Variants in CDC14A observed in about 807,000 individuals in gnomAD.
CDC14A encodes cell division cycle 14A.
Under a neutral mutation model 74.4 loss-of-function variants are expected in CDC14A, and 53 were observed. The ratio of observed to expected loss-of-function variants is 0.71; its 90% CI spans 0.57 to 0.89. The LOEUF (loss-of-function observed/expected upper bound fraction) is 0.89. CDC14A is among the 40% of genes least tolerant of loss of function. The pLI, the probability that CDC14A is intolerant of heterozygous loss-of-function variation, is 0.00. For missense variants in CDC14A, 646 were observed against 713.7 expected (o/e 0.91, Z 1.08); for synonymous variants, 247 against 258.4 (o/e 0.96, Z 0.43).
At chr1:100,506,089 A>G (rs1649214144) in intron 15 of CDC14A, among the ~76,000 whole-genome samples, 2 of 152,228 alleles carry the variant, frequency 1.3e-5, no homozygotes, top group South Asian at 4.1e-4. Context: ...ACCTCCCACT[A>G]GCCCCACCTC....
chr1:100,424,737 G>A (rs1272988251), intron 5 of CDC14A, among the ~76,000 whole-genome samples: 2 of 152,224 alleles, frequency 1.3e-5, no homozygotes, highest in Admixed American at 6.5e-5. Context: ...CACCTGTTTA[G>A]TGGGGACCCT....
chr1:100,465,495 T>A (rs1374122429), intron 9 of CDC14A, among the ~76,000 whole-genome samples: 1 of 152,214 alleles, frequency 6.6e-6, no homozygotes, highest in Non-Finnish European at 1.5e-5. Context: ...TATTTTGACA[T>A]CTGCCCTAAT....
intron 10 of CDC14A, among the ~76,000 whole-genome samples, chr1:100,470,741 A>C (rs1422591732): frequency 6.6e-6 from 1 of 152,216 alleles, no homozygotes; most frequent in Non-Finnish European, 1.5e-5. Context: ...AATTGAAACC[A>C]CAATGAGATA....
At chr1:100,417,164 G>A (rs1174691959) in intron 4 of CDC14A, among the ~76,000 whole-genome samples, 1 of 152,168 alleles carries the variant, frequency 6.6e-6, no homozygotes, top group African/African-American at 2.4e-5. Flanking sequence ...ATCTTATTGG[G>A]TTGCCAAAAA....
intron 4 of CDC14A, among the ~76,000 whole-genome samples, chr1:100,414,876 C>T (rs1305681651): frequency 6.6e-6 from 1 of 152,070 alleles, no homozygotes; most frequent in African/African-American, 2.4e-5. Flanking sequence ...ATTAACGTGT[C>T]CTTTTAGGTT....
chr1:100,441,104 C>A (rs984533461), intron 6 of CDC14A, among the ~76,000 whole-genome samples: 6 of 152,136 alleles, frequency 3.9e-5, no homozygotes, highest in African/African-American at 1.4e-4. Flanking sequence ...CCTTTTCTAC[C>A]ATCTGCTACA....
At chr1:100,459,118 C>CAGAGAGAGAGAGAGAGAGAG (rs1413867196) in intron 8 of CDC14A, among the ~76,000 whole-genome samples, 106 of 145,866 alleles carry the variant, frequency 7.3e-4, no homozygotes, top group Middle Eastern at 3.5e-3. Flanking sequence ...CACACACACA[C>CAGAGAGAGAGAGAGAGAGAG]ACACACACAG....
intron 7 of CDC14A, among the ~76,000 whole-genome samples, chr1:100,446,615 A>G (rs1474573231): frequency 6.6e-6 from 1 of 150,532 alleles, no homozygotes; most frequent in Non-Finnish European, 1.5e-5. Flanking sequence ...CATGTAAGCA[A>G]TACAAAAATT....
intron 10 of CDC14A, among the ~76,000 whole-genome samples, chr1:100,472,506 C>T (rs1270727374): frequency 6.6e-6 from 1 of 151,938 alleles, no homozygotes; most frequent in Non-Finnish European, 1.5e-5. Flanking sequence ...AAATGTTTTT[C>T]AAGGTTTTTT....
chr1:100,450,943 T>C (rs1666079876), intron 7 of CDC14A, among the ~76,000 whole-genome samples: 1 of 152,248 alleles, frequency 6.6e-6, no homozygotes, highest in Non-Finnish European at 1.5e-5. Flanking sequence ...ACTTGGTTTA[T>C]TCTATGGTCG....
intron 15 of CDC14A, among the ~76,000 whole-genome samples, chr1:100,500,125 G>C (rs910960928): frequency 6.6e-6 from 1 of 152,120 alleles, no homozygotes; most frequent in Non-Finnish European, 1.5e-5. Context: ...TGTGAGTTTC[G>C]ATTTGAGAGG....
intron 6 of CDC14A, among the ~76,000 whole-genome samples, chr1:100,441,626 G>A (rs1212508638): frequency 6.6e-6 from 1 of 150,820 alleles, no homozygotes; most frequent in Non-Finnish European, 1.5e-5. Context: ...TTTTTGTCTG[G>A]AAAGGTGCAT....
intron 13 of CDC14A, 149 bp downstream of exon 13, chr1:100,496,198 AT>A: frequency 1.6e-6 from 1 of 626,150 alleles, no homozygotes; most frequent in Non-Finnish European, 2.8e-6. Context: ...TTTATGCCTT[AT>A]TTTTAATGCT....
In CDC14A at chr1:100,516,448, T is replaced by C. The variant is rs28364917; in HGVS notation, c.1756-1803T>C. On this transcript the variant is annotated intron_variant, in intron 15 of 15. Transcript: ENST00000336454. ...AAAAACAACTTTGTTCTAAGTTATA[T>C]GCAGTTTGAAGAATTTCTGATTTCT... Among the ~76,000 whole-genome samples the C allele has an allele frequency of 2.3e-3, 347 of 152,336 alleles. 1 individual carries two copies. Among genetic ancestry groups the C allele is most frequent in the Non-Finnish European group, 3.9e-3 (266 of 68,032 alleles).
At chr1:100,502,052 G>C (rs541031744) in intron 15 of CDC14A, among the ~76,000 whole-genome samples, 1 of 152,060 alleles carries the variant, frequency 6.6e-6, no homozygotes, top group Non-Finnish European at 1.5e-5. Flanking sequence ...TTACAAAAGA[G>C]TCAAAAGTTA....
At chr1:100,384,886 T>C (rs566012776) in intron 3 of CDC14A, among the ~76,000 whole-genome samples, 6 of 152,232 alleles carry the variant, frequency 3.9e-5, no homozygotes, top group African/African-American at 9.6e-5. Context: ...ATGCTTTTCT[T>C]ATTTACCAGC....
chr1:100,421,429 A>G (rs572024005), intron 4 of CDC14A, among the ~76,000 whole-genome samples: 2 of 152,286 alleles, frequency 1.3e-5, no homozygotes, highest in African/African-American at 4.8e-5. Flanking sequence ...TGCATAACTA[A>G]TTTACTTACT....
At chr1:100,440,592 G>C (rs1664815315) in intron 6 of CDC14A, among the ~76,000 whole-genome samples, 1 of 152,158 alleles carries the variant, frequency 6.6e-6, no homozygotes, top group Non-Finnish European at 1.5e-5. Context: ...AAGCTATACT[G>C]TAAATTCTAA....
chr1:100,496,809 A>G (rs1647908294), intron 13 of CDC14A, among the ~76,000 whole-genome samples: 1 of 152,230 alleles, frequency 6.6e-6, no homozygotes, highest in Non-Finnish European at 1.5e-5. Flanking sequence ...AATGAAGGAA[A>G]GAGTCTACAA....
Sources: gnomAD v4.1 joint callset for allele counts (sites outside exome capture counted in the v4.1 genomes callset) on GRCh38, gnomAD v4.1.1 for gene constraint, MANE v1.5 for transcripts, NCBI Gene and HGNC (gene_info 2026-07-23, HGNC 2026-07-21) for gene names.